Variants in SPMIP2 observed in about 807,000 individuals in gnomAD.
SPMIP2 encodes the protein sperm microtubule inner protein 2.
the SPMIP2 span, among the ~76,000 whole-genome samples, chr4:158,944,084 G>A: frequency 2.0e-5 from 3 of 151,910 alleles, no homozygotes; most frequent in Non-Finnish European, 4.4e-5. Context: ...TCAATCCCCT[G>A]ACCTTGTGAT....
the SPMIP2 span, among the ~76,000 whole-genome samples, chr4:158,968,086 G>A: frequency 6.6e-6 from 1 of 152,196 alleles, no homozygotes; most frequent in Admixed American, 6.5e-5. Context: ...CTGGAACGCA[G>A]TGGCGCGATC....
the SPMIP2 span, among the ~76,000 whole-genome samples, chr4:159,027,126 A>G: frequency 1.3e-5 from 2 of 152,172 alleles, no homozygotes; most frequent in African/African-American, 4.8e-5. Flanking sequence ...AGTTTTGTAA[A>G]TGTAATAATA....
At chr4:159,068,125 A>G in the SPMIP2 span, among the ~76,000 whole-genome samples, 1 of 152,234 alleles carries the variant, frequency 6.6e-6, no homozygotes, top group Non-Finnish European at 1.5e-5. Context: ...ATCTAGAACT[A>G]GAAATAGCAT....
chr4:159,066,409 C>G, the SPMIP2 span, among the ~76,000 whole-genome samples: 2 of 151,970 alleles, frequency 1.3e-5, no homozygotes, highest in East Asian at 3.9e-4. Context: ...CGACTGAGTC[C>G]TGGGCTCACG....
the SPMIP2 span, among the ~76,000 whole-genome samples, chr4:159,025,819 T>A: frequency 6.6e-6 from 1 of 152,190 alleles, no homozygotes; most frequent in Non-Finnish European, 1.5e-5. Context: ...ACAGATTTTT[T>A]AAAAACTGAG....
chr4:159,021,056 C>G, the SPMIP2 span, among the ~76,000 whole-genome samples: 4 of 152,246 alleles, frequency 2.6e-5, no homozygotes. Context: ...CCACCGCACC[C>G]GGCCTCTGCC....
the SPMIP2 span, among the ~76,000 whole-genome samples, chr4:159,001,659 C>T: frequency 6.6e-6 from 1 of 152,134 alleles, no homozygotes; most frequent in African/African-American, 2.4e-5. Flanking sequence ...ATCCATGTTC[C>T]CACAAAAGAC....
the SPMIP2 span, among the ~76,000 whole-genome samples, chr4:159,075,190 C>G: frequency 6.6e-6 from 1 of 152,120 alleles, no homozygotes; most frequent in South Asian, 2.1e-4. Context: ...GGGTGGTGAT[C>G]TGGAGGGTCA....
At chr4:158,977,836 G>A in the SPMIP2 span, among the ~76,000 whole-genome samples, 5 of 151,780 alleles carry the variant, frequency 3.3e-5, no homozygotes, top group African/African-American at 9.7e-5. Context: ...GGATGGTCTC[G>A]ATCTCCTGAC....
At chr4:159,037,164 T>A in the SPMIP2 span, among the ~76,000 whole-genome samples, 16 of 152,320 alleles carry the variant, frequency 1.1e-4, no homozygotes, top group East Asian at 2.1e-3. Flanking sequence ...TTTGAGACTG[T>A]TACAAACTTT....
At chr4:158,951,085 A>G in the SPMIP2 span, among the ~76,000 whole-genome samples, 1 of 152,170 alleles carries the variant, frequency 6.6e-6, no homozygotes, top group Non-Finnish European at 1.5e-5. Context: ...CCAGTTTTAT[A>G]TCTTATTTTT....
chr4:158,983,004 T>C, the SPMIP2 span, among the ~76,000 whole-genome samples: 96,091 of 151,908 alleles, frequency 0.63, 30,723 homozygotes, highest in Middle Eastern at 0.71. Flanking sequence ...TCGAGAACTA[T>C]GTGAAGAATG....
chr4:159,051,992 A>T, the SPMIP2 span, among the ~76,000 whole-genome samples: 1 of 151,898 alleles, frequency 6.6e-6, no homozygotes, highest in Non-Finnish European at 1.5e-5. Flanking sequence ...ACCTACTATC[A>T]AGCTCACTGG....
At chr4:159,002,766 GCACACACA>G in the SPMIP2 span, among the ~76,000 whole-genome samples, 5 of 148,092 alleles carry the variant, frequency 3.4e-5, no homozygotes, top group African/African-American at 9.9e-5. Flanking sequence ...ACATATCACT[GCACACACA>G]CACACACACA....
the SPMIP2 span, among the ~76,000 whole-genome samples, chr4:159,021,352 T>C: frequency 6.6e-6 from 1 of 152,224 alleles, no homozygotes; most frequent in Non-Finnish European, 1.5e-5. Context: ...TGAGCCTTCA[T>C]CACAAAATCA....
At chr4:159,035,430 C>T in the SPMIP2 span, among the ~76,000 whole-genome samples, 1 of 152,164 alleles carries the variant, frequency 6.6e-6, no homozygotes, top group Non-Finnish European at 1.5e-5. Context: ...GATAATCTGG[C>T]AGGCTCAGTC....
chr4:158,989,406 AG>A, the SPMIP2 span, among the ~76,000 whole-genome samples: 1 of 152,244 alleles, frequency 6.6e-6, no homozygotes, highest in African/African-American at 2.4e-5. Flanking sequence ...AAACCAAAAA[AG>A]AGCCCACATA....
chr4:159,045,050 C>T, the SPMIP2 span, among the ~76,000 whole-genome samples: 1 of 151,516 alleles, frequency 6.6e-6, no homozygotes, highest in African/African-American at 2.4e-5. Flanking sequence ...GAGATTATAC[C>T]ACTGCACTCT....
the SPMIP2 span, among the ~76,000 whole-genome samples, chr4:158,981,706 G>A: frequency 6.8e-6 from 1 of 147,792 alleles, no homozygotes. Context: ...CCTGAAGGAA[G>A]CACTAAACAT....
Sources: allele counts gnomAD v4.1 joint callset (sites outside exome capture counted in the v4.1 genomes callset), GRCh38; gene constraint gnomAD v4.1.1; transcripts MANE v1.5; gene names NCBI Gene and HGNC (gene_info 2026-07-23, HGNC 2026-07-21).